Variants in ABHD12B observed in about 807,000 individuals in gnomAD.
ABHD12B encodes abhydrolase domain containing 12B, also known as protein ABHD12B.
A neutral mutation model predicts 50.4 loss-of-function variants in ABHD12B; 42 were observed. That is an observed-to-expected ratio of 0.83 (90% CI 0.65 to 1.08). The LOEUF is 1.08. ABHD12B is among the 50% of genes least tolerant of loss of function. ABHD12B has a pLI of 0.00. For missense variants in ABHD12B, 479 were observed against 447.7 expected (o/e 1.07, Z -0.63); for synonymous variants, 167 against 160.3 (o/e 1.04, Z -0.32).
rs376096617 is a variant in ABHD12B, at chr14:50,904,065, C to T, written c.943-9C>T. On this transcript the variant is annotated splice_polypyrimidine_tract_variant and intron_variant, in intron 11 of 12. Transcript: ENST00000337334. Reference sequence around the variant, plus strand: ...GGCCATCCTTTGAGTCTCTTTCTGTCGCTTGCAGCTCTATGAAATTGCACG... The same window carrying T: ...GGCCATCCTTTGAGTCTCTTTCTGTTGCTTGCAGCTCTATGAAATTGCACG... The T allele has an allele frequency of 1.3e-5, 21 of 1,604,376 alleles. No individual in the cohort carries two copies. Among genetic ancestry groups the T allele is most frequent in the South Asian group, 4.4e-5 (4 of 90,146 alleles).
chr14:50,878,698 G>A lies in ABHD12B; in HGVS notation c.233-47G>A, dbSNP rs1446883188. 20 of 1,479,770 alleles carry A rather than the reference G, an allele frequency of 1.4e-5. No homozygotes were observed. In the East Asian group the frequency reaches 4.5e-4, roughly 33 times the overall value. 91.7% of individuals were successfully genotyped at this position (1,479,770 alleles called of 1,614,324 possible). A position where few individuals can be genotyped will look rare whatever the true frequency, so the allele number is the denominator to read the frequency against. On this transcript the variant is annotated intron_variant, in intron 2 of 12. Coordinates refer to ENST00000337334, the MANE Select transcript of ABHD12B (RefSeq NM_001206673.2). ...TTCCTTTCTTTGATTGTGATTAAAA[G>A]GCATGGAATTTGATTCTTGAAGTTG...
intron 9 of ABHD12B, among the ~76,000 whole-genome samples, chr14:50,898,167 G>T (rs533847377): frequency 2.1e-4 from 32 of 152,272 alleles, no homozygotes; most frequent in Non-Finnish European, 4.4e-4. Context: ...TTTCGCACTC[G>T]TTATTCTTTT....
intron 9 of ABHD12B, among the ~76,000 whole-genome samples, chr14:50,889,483 C>T (rs2050088252): frequency 6.6e-6 from 1 of 152,080 alleles, no homozygotes; most frequent in Admixed American, 6.6e-5. Flanking sequence ...ACTAAAAATA[C>T]AAAAATTAGC....
At chr14:50,875,040 G>T (rs2049842144) in intron 1 of ABHD12B, among the ~76,000 whole-genome samples, 1 of 152,242 alleles carries the variant, frequency 6.6e-6, no homozygotes. Flanking sequence ...GCTAGACAGA[G>T]GGAAATGTAA....
chr14:50,888,243 C>CA (rs2050068655), intron 8 of ABHD12B, among the ~76,000 whole-genome samples: 3 of 144,426 alleles, frequency 2.1e-5, no homozygotes, highest in African/African-American at 7.7e-5. Flanking sequence ...CTTGCTCTGT[C>CA]GCCAGGCTGG....
intron 4 of ABHD12B, among the ~76,000 whole-genome samples, chr14:50,880,904 G>A (rs766409027): frequency 5.9e-5 from 9 of 152,168 alleles, no homozygotes; most frequent in Non-Finnish European, 1.0e-4. Flanking sequence ...GAACAGGCAC[G>A]CATTATGGGG....
At chr14:50,880,625 C>T in intron 4 of ABHD12B, 54 bp downstream of exon 4, 3 of 1,474,856 alleles carry the variant, frequency 2.0e-6, no homozygotes, top group Non-Finnish European at 1.8e-6. Context: ...GCATTTCAGC[C>T]CCATGGGGGA....
intron 10 of ABHD12B, among the ~76,000 whole-genome samples, chr14:50,902,997 G>C (rs912467011): frequency 4.0e-5 from 6 of 151,862 alleles, no homozygotes; most frequent in African/African-American, 1.5e-4. Context: ...TTTGAGTTTT[G>C]TTTTCTTTTT....
At chr14:50,891,681 C>CT (rs1328819413) in intron 9 of ABHD12B, 1 of 152,234 alleles carries the variant, frequency 6.6e-6, no homozygotes, top group Non-Finnish European at 1.5e-5. Flanking sequence ...TCTGGAAACT[C>CT]TATTTTACCT....
Position 50,878,784 on chromosome 14 carries a change from T to C in ABHD12B, c.272T>C (p.Leu91Ser). 6.2e-7 allele frequency: 1 copy of C among 1,614,046 alleles called. No individual in the cohort carries two copies. The highest frequency in any genetic ancestry group is 1.3e-5 in the African/African-American group (1 of 75,066). ...PFLVDLKKPE[L>S]KIPHTVNFYL... is the part of the protein sequence containing the mutation. ...CTTGTGGATTTAAAGAAACCAGAGT[T>C]AAAGATTCCTCACACAGTGAACTTC... is the stretch of plus-strand genomic sequence containing the variant. Residue 91 changes from leucine (L) to serine (S), a missense_variant, in exon 3 of 13, where the codon TTA becomes TCA. By Grantham distance (145) the Leu-to-Ser change is moderately radical (BLOSUM62 -2). Coordinates refer to ENST00000337334, the MANE Select transcript of ABHD12B (RefSeq NM_001206673.2).
At chr14:50,875,855 C>G (rs971304590) in intron 1 of ABHD12B, among the ~76,000 whole-genome samples, 1 of 152,214 alleles carries the variant, frequency 6.6e-6, no homozygotes, top group African/African-American at 2.4e-5. Flanking sequence ...ACACATTTCC[C>G]TCTACTGCCT....
intron 9 of ABHD12B, among the ~76,000 whole-genome samples, chr14:50,894,247 CTTAGCGGCAA>C (rs1566492414): frequency 6.6e-6 from 1 of 151,250 alleles, no homozygotes; most frequent in African/African-American, 2.4e-5. Flanking sequence ...CTCCTTCACC[CTTAGCGGCAA>C]GTCCCGCTTT....
At chr14:50,886,521 C>A in intron 7 of ABHD12B, 126 bp from the exon 8 acceptor site, 1 of 784,160 alleles carries the variant, frequency 1.3e-6, no homozygotes, top group Non-Finnish European at 2.1e-6. Context: ...AAATAGCGTG[C>A]AAATTTTGTG....
At chr14:50,874,694 A>T (rs2049836385) in intron 1 of ABHD12B, among the ~76,000 whole-genome samples, 1 of 152,202 alleles carries the variant, frequency 6.6e-6, no homozygotes, top group Non-Finnish European at 1.5e-5. Flanking sequence ...CATTTCCCCC[A>T]TTCCACCCCA....
intron 9 of ABHD12B, among the ~76,000 whole-genome samples, chr14:50,897,095 G>A (rs2050209667): frequency 7.9e-6 from 1 of 126,078 alleles, no homozygotes; most frequent in African/African-American, 3.0e-5. Flanking sequence ...TTTTTGAGAT[G>A]GAGTTTCACT....
At chr14:50,872,498 C>G (rs544219931) in intron 1 of ABHD12B, among the ~76,000 whole-genome samples, 49 of 152,310 alleles carry the variant, frequency 3.2e-4, no homozygotes, top group African/African-American at 1.2e-3. Context: ...CCTGGACCAG[C>G]GAGACTCTCA....
intron 12 of ABHD12B, 34 bp downstream of exon 12, chr14:50,904,226 T>A (rs2050302046): frequency 6.2e-7 from 1 of 1,612,798 alleles, no homozygotes; most frequent in Middle Eastern, 1.7e-4. Context: ...ATGTTGCCCT[T>A]CAAGGCAATT....
intron 9 of ABHD12B, among the ~76,000 whole-genome samples, chr14:50,900,324 C>T (rs1240562587): frequency 6.6e-6 from 1 of 152,114 alleles, no homozygotes; most frequent in Non-Finnish European, 1.5e-5. Flanking sequence ...AAAGTGTACG[C>T]CAGGGATATT....
At chr14:50,897,799 A>T in intron 9 of ABHD12B, among the ~76,000 whole-genome samples, 1 of 152,232 alleles carries the variant, frequency 6.6e-6, no homozygotes, top group Non-Finnish European at 1.5e-5. Flanking sequence ...TGTTGTGAAG[A>T]CTGAATTAAG....
Sources: gnomAD v4.1 joint callset for allele counts (sites outside exome capture counted in the v4.1 genomes callset) on GRCh38, gnomAD v4.1.1 for gene constraint, MANE v1.5 for transcripts, NCBI Gene and HGNC (gene_info 2026-07-23, HGNC 2026-07-21) for gene names.